Variants in ROBO1 observed in about 807,000 individuals in gnomAD.
The protein encoded by ROBO1 is roundabout guidance receptor 1.
Under a neutral mutation model 195.9 loss-of-function variants are expected in ROBO1, and 149 were observed. The ratio of observed to expected loss-of-function variants is 0.76; its 90% CI spans 0.67 to 0.87. ROBO1 has a LOEUF of 0.87. Ranked by LOEUF, ROBO1 falls within the 40% of genes least tolerant of loss-of-function variation. The pLI, the probability that ROBO1 is intolerant of heterozygous loss-of-function variation, is 0.00. For missense variants in ROBO1, 1,933 were observed against 2,068.3 expected, an observed-to-expected ratio of 0.93 and a Z score of 1.27; for synonymous variants, 816 against 733.2, an observed-to-expected ratio of 1.11 and a Z score of -1.82.
chr3:78,639,155 A>G (rs1183110686), intron 22 of ROBO1, among the ~76,000 whole-genome samples: 1 of 152,012 alleles, frequency 6.6e-6, no homozygotes, highest in African/African-American at 2.4e-5. Context: ...AAAAAAATAA[A>G]AAAAGTTAAA....
At chr3:79,614,055 A>C (rs1944746882) in intron 1 of ROBO1, among the ~76,000 whole-genome samples, 1 of 152,096 alleles carries the variant, frequency 6.6e-6, no homozygotes. Flanking sequence ...GAAAACTACA[A>C]TAACAGAGAC....
At chr3:79,503,973 G>C (rs1288402747) in intron 2 of ROBO1, among the ~76,000 whole-genome samples, 1 of 152,060 alleles carries the variant, frequency 6.6e-6, no homozygotes, top group African/African-American at 2.4e-5. Flanking sequence ...ATTTACTCCT[G>C]GTTGACAGAA....
intron 1 of ROBO1, among the ~76,000 whole-genome samples, chr3:79,639,112 G>A (rs181386759): frequency 1.3e-5 from 2 of 152,218 alleles, no homozygotes; most frequent in East Asian, 1.9e-4. Context: ...CATTTGAAAC[G>A]ATAACCTTAA....
rs574027584 is a variant in ROBO1, at chr3:79,593,814, A to T, written c.-50-3853T>A. ...TTTTTTTTGGTAGAGACAGGATTTT[A>T]CCATGTGGCCCAGGCTGATCTTGAA... On this transcript the variant is annotated intron_variant, in intron 1 of 30. Coordinates refer to ENST00000464233, the MANE Select transcript of ROBO1 (RefSeq NM_002941.4). 1.8e-3 allele frequency among the ~76,000 whole-genome samples: 274 copies of T among 151,934 alleles called. 2 individuals carry two copies. The highest frequency in any genetic ancestry group is 6.3e-3 in the African/African-American group (260 of 41,480).
chr3:79,384,160 T>C (rs2036659609), intron 2 of ROBO1, among the ~76,000 whole-genome samples: 1 of 152,020 alleles, frequency 6.6e-6, no homozygotes, highest in African/African-American at 2.4e-5. Context: ...CATTCCAGAA[T>C]TAAAGAAAAT....
chr3:79,398,278 A>G (rs1228063023), intron 2 of ROBO1, among the ~76,000 whole-genome samples: 2 of 152,162 alleles, frequency 1.3e-5, no homozygotes, highest in Non-Finnish European at 2.9e-5. Flanking sequence ...ATACATACTA[A>G]TATGTTCACT....
intron 3 of ROBO1, among the ~76,000 whole-genome samples, chr3:79,048,063 A>G (rs2078627401): frequency 6.6e-6 from 1 of 152,104 alleles, no homozygotes; most frequent in Admixed American, 6.6e-5. Context: ...TCTTGGTGTA[A>G]CTGAAACCTG....
intron 2 of ROBO1, among the ~76,000 whole-genome samples, chr3:79,573,328 A>G (rs1943344140): frequency 6.6e-6 from 1 of 152,156 alleles, no homozygotes; most frequent in South Asian, 2.1e-4. Context: ...TGGGATGACA[A>G]AATTTTTTTT....
chr3:79,140,268 A>G (rs2080497216), intron 2 of ROBO1, among the ~76,000 whole-genome samples: 1 of 152,148 alleles, frequency 6.6e-6, no homozygotes, highest in African/African-American at 2.4e-5. Flanking sequence ...TAAGATTCAC[A>G]TGTTTTGTTA....
chr3:78,752,937 T>C (rs1325792539), intron 4 of ROBO1, among the ~76,000 whole-genome samples: 1 of 152,158 alleles, frequency 6.6e-6, no homozygotes, highest in Non-Finnish European at 1.5e-5. Context: ...TAAATTATGC[T>C]TTGCTTAGGA....
intron 4 of ROBO1, among the ~76,000 whole-genome samples, chr3:78,917,879 T>C (rs1034551192): frequency 2.0e-5 from 3 of 152,210 alleles, no homozygotes; most frequent in African/African-American, 7.2e-5. Flanking sequence ...AACTCTCAGC[T>C]TCCATTCAGA....
intron 2 of ROBO1, among the ~76,000 whole-genome samples, chr3:79,167,648 C>T (rs916420838): frequency 2.6e-5 from 4 of 152,270 alleles, no homozygotes; most frequent in African/African-American, 9.6e-5. Context: ...ACAAAAATAT[C>T]CTCTCTTCAT....
chr3:79,181,752 C>A (rs1559717764), intron 2 of ROBO1, among the ~76,000 whole-genome samples: 1 of 151,614 alleles, frequency 6.6e-6, no homozygotes, highest in East Asian at 1.9e-4. Flanking sequence ...TAGGGAGACC[C>A]CATCTCTACT....
intron 3 of ROBO1, among the ~76,000 whole-genome samples, chr3:79,081,820 G>T (rs1485379353): frequency 1.3e-5 from 2 of 152,036 alleles, no homozygotes; most frequent in Non-Finnish European, 2.9e-5. Flanking sequence ...TCATCAATTT[G>T]GGAAAGTATA....
At chr3:79,319,662 C>G (rs1300944781) in intron 2 of ROBO1, among the ~76,000 whole-genome samples, 1 of 151,948 alleles carries the variant, frequency 6.6e-6, no homozygotes, top group African/African-American at 2.4e-5. Context: ...GGTGTTTTTT[C>G]ATATGAAAAT....
intron 2 of ROBO1, among the ~76,000 whole-genome samples, chr3:79,372,183 G>T (rs2036219593): frequency 6.6e-6 from 1 of 150,684 alleles, no homozygotes; most frequent in Non-Finnish European, 1.5e-5. Context: ...CAGGGTGTTG[G>T]GGACCCCTGT....
intron 3 of ROBO1, among the ~76,000 whole-genome samples, chr3:79,011,453 T>C (rs1314757503): frequency 6.6e-6 from 1 of 152,148 alleles, no homozygotes; most frequent in African/African-American, 2.4e-5. Context: ...TAGCACTGTG[T>C]TGCCAAATGA....
At chr3:78,918,924 T>C (rs1469106630) in intron 4 of ROBO1, among the ~76,000 whole-genome samples, 1 of 152,184 alleles carries the variant, frequency 6.6e-6, no homozygotes, top group Non-Finnish European at 1.5e-5. Context: ...CAACACATGT[T>C]TCTGCAACCA....
chr3:78,767,831 T>C (rs920411135), intron 4 of ROBO1, among the ~76,000 whole-genome samples: 2 of 152,170 alleles, frequency 1.3e-5, no homozygotes, highest in Admixed American at 6.5e-5. Flanking sequence ...TCTTGGTTAA[T>C]ATTGCTAATG....
Sources: allele counts gnomAD v4.1 joint callset (sites outside exome capture counted in the v4.1 genomes callset), GRCh38; gene constraint gnomAD v4.1.1; transcripts MANE v1.5; gene names NCBI Gene and HGNC (gene_info 2026-07-23, HGNC 2026-07-21).